INSL6: variants seen among roughly 807,000 people sequenced by gnomAD.
INSL6 encodes insulin-like peptide INSL6.
A neutral mutation model predicts 9.4 loss-of-function variants in INSL6; 16 were observed. The ratio of observed to expected loss-of-function variants is 1.70; its 90% confidence interval spans 1.15 to 2.59. The LOEUF (loss-of-function observed/expected upper bound fraction) is 2.59. Ranked by LOEUF, INSL6 falls within the 30% of genes most tolerant of loss-of-function variation. The probability of loss-of-function intolerance (pLI) is 0.00; values close to 1 mark genes in which losing one functional copy is unlikely to be tolerated. For missense variants in INSL6, 391 were observed against 257.3 expected (o/e 1.52, Z -3.56); for synonymous variants, 154 against 96.9 (o/e 1.59, Z -3.46).
At position 5,163,921 on chromosome 9, in the gene INSL6, T is replaced by C. The variant is rs1355294638; in HGVS notation, c.634A>G (p.Ile212Val). 3.8e-6 allele frequency: 6 copies of C among 1,586,156 alleles called. No homozygotes were observed. Among genetic ancestry groups the C allele is most frequent in the Middle Eastern group, 1.8e-4 (1 of 5,680 alleles). Residue 212 changes from isoleucine to valine, a missense_variant, in exon 2 of 2, where the codon ATA (isoleucine) becomes GTA (valine). Transcript: ENST00000381641. ...AAAAAATTCTAAGATGGTTAGTATA[T>C]CTTAGTTACAAGTGATGATCTTTTT... The part of the protein sequence containing the change: ...KEKRSSLVTK[I>V]Y
chr9:5,052,252 T>C, the INSL6 span, among the ~76,000 whole-genome samples: 1 of 152,142 alleles, frequency 6.6e-6, no homozygotes, highest in Non-Finnish European at 1.5e-5. Context: ...GATTGTAGTT[T>C]CTTCCAGTTT....
At chr9:5,129,691 T>C (rs151044742) in intron 3 of INSL6, among the ~76,000 whole-genome samples, 1 of 152,232 alleles carries the variant, frequency 6.6e-6, no homozygotes, top group East Asian at 1.9e-4. Flanking sequence ...AGATTTTAGT[T>C]GGTTGGATTT....
At chr9:5,087,474 A>ACTGGTAGTTCTTTTACT in the INSL6 span, among the ~76,000 whole-genome samples, 96,460 of 151,580 alleles carry the variant, frequency 0.64, 32,764 homozygotes, top group African/African-American at 0.89. Flanking sequence ...AAACCATATC[A>ACTGGTAGTTCTTTTACT]CTCCCTTACT....
At chr9:5,063,307 A>C in the INSL6 span, among the ~76,000 whole-genome samples, 2 of 152,190 alleles carry the variant, frequency 1.3e-5, no homozygotes, top group Non-Finnish European at 2.9e-5. Context: ...TGGACTTCTC[A>C]ATACAAAATT....
intron 2 of INSL6, among the ~76,000 whole-genome samples, chr9:5,151,076 G>T (rs1290482329): frequency 5.9e-5 from 9 of 152,108 alleles, no homozygotes; most frequent in African/African-American, 2.2e-4. Flanking sequence ...TGGAAATGCA[G>T]AACTGTGAAA....
the INSL6 span, among the ~76,000 whole-genome samples, chr9:5,081,302 T>C: frequency 6.6e-6 from 1 of 152,170 alleles, no homozygotes; most frequent in Admixed American, 6.5e-5. Flanking sequence ...CAATTCTCTT[T>C]AACATTTCTC....
chr9:5,082,587 G>T, the INSL6 span, among the ~76,000 whole-genome samples: 1 of 152,222 alleles, frequency 6.6e-6, no homozygotes, highest in South Asian at 2.1e-4. Flanking sequence ...GACCCTTCAC[G>T]GATGTTGGGC....
chr9:5,170,630 T>G (rs1314591366), intron 1 of INSL6, among the ~76,000 whole-genome samples: 1 of 141,700 alleles, frequency 7.1e-6, no homozygotes, highest in African/African-American at 2.6e-5. Flanking sequence ...AAGAATCAAA[T>G]AGACACAATA....
chr9:5,173,567 C>T (rs758439278), intron 1 of INSL6, among the ~76,000 whole-genome samples: 2 of 151,546 alleles, frequency 1.3e-5, no homozygotes, highest in Non-Finnish European at 2.9e-5. Context: ...AATGAGATCA[C>T]GTGAACATGG....
At chr9:5,086,233 A>C in the INSL6 span, 3 of 604,596 alleles carry the variant, frequency 5.0e-6, no homozygotes, top group Non-Finnish European at 6.4e-6. Context: ...TCGGAGTCTG[A>C]AAGTCGCGGT....
intron 2 of INSL6, among the ~76,000 whole-genome samples, chr9:5,145,341 G>C (rs186864620): frequency 6.6e-6 from 1 of 152,276 alleles, no homozygotes; most frequent in East Asian, 1.9e-4. Context: ...TAGTAAGACA[G>C]ACTTCCCTTT....
intron 3 of INSL6, among the ~76,000 whole-genome samples, chr9:5,133,156 ATAT>A (rs1469666369): frequency 5.3e-5 from 8 of 152,148 alleles, no homozygotes; most frequent in African/African-American, 1.9e-4. Context: ...ATATGCAGTG[ATAT>A]TAGAGTGTCA....
At chr9:5,165,810 T>C (rs140632707) in intron 1 of INSL6, among the ~76,000 whole-genome samples, 9 of 152,362 alleles carry the variant, frequency 5.9e-5, no homozygotes, top group Admixed American at 2.0e-4. Flanking sequence ...TGAAGACTTA[T>C]TGTACTTCCA....
At chr9:5,155,082 C>G (rs1013094196) in intron 2 of INSL6, among the ~76,000 whole-genome samples, 4 of 151,590 alleles carry the variant, frequency 2.6e-5, no homozygotes, top group African/African-American at 9.7e-5. Context: ...AGCCAAATGT[C>G]CAACAATGAT....
At chr9:5,143,914 C>T (rs886206133) in intron 2 of INSL6, among the ~76,000 whole-genome samples, 1 of 152,156 alleles carries the variant, frequency 6.6e-6, no homozygotes, top group Admixed American at 6.5e-5. Context: ...CCCGCCTCAG[C>T]CTCCCAAAGT....
chr9:5,115,414 G>A, the INSL6 span, among the ~76,000 whole-genome samples: 1 of 152,204 alleles, frequency 6.6e-6, no homozygotes. Flanking sequence ...GGCAACAACA[G>A]ATGCTGAAGA....
chr9:5,146,598 G>A (rs1351159813), intron 2 of INSL6, among the ~76,000 whole-genome samples: 2 of 152,226 alleles, frequency 1.3e-5, no homozygotes, highest in African/African-American at 2.4e-5. Context: ...ACACAAGGGT[G>A]GAGCACTGGT....
At chr9:5,117,377 A>T in the INSL6 span, among the ~76,000 whole-genome samples, 1 of 152,216 alleles carries the variant, frequency 6.6e-6, no homozygotes, top group South Asian at 2.1e-4. Context: ...CATATTTTAG[A>T]AAGATAGCTC....
chr9:5,132,897 G>A (rs1037332049), intron 3 of INSL6: 6 of 152,178 alleles, frequency 3.9e-5, no homozygotes, highest in Admixed American at 1.3e-4. Flanking sequence ...TTCTGCTACC[G>A]CTCTGGGAAT....
Sources: gnomAD v4.1 joint callset for allele counts (sites outside exome capture counted in the v4.1 genomes callset) on GRCh38, gnomAD v4.1.1 for gene constraint, MANE v1.5 for transcripts, NCBI Gene and HGNC (gene_info 2026-07-23, HGNC 2026-07-21) for gene names.